Variants in CBX1 observed in about 807,000 individuals in gnomAD.
The protein encoded by CBX1 is chromobox 1.
In CBX1, 10 loss-of-function variants were observed where a neutral mutation model predicts 25.1. That is an observed-to-expected ratio of 0.40 (90% CI 0.25 to 0.68). CBX1 has a LOEUF of 0.68. Among genes scored for constraint, CBX1 ranks in the 30% least tolerant of loss-of-function variants. The probability of loss-of-function intolerance (pLI) is 0.40; values close to 1 mark genes in which losing one functional copy is unlikely to be tolerated. For synonymous variants in CBX1, 63 were observed against 79.4 expected (o/e 0.79, Z 1.10); for missense variants, 106 against 218.5 (o/e 0.49, Z 3.25).
Position 48,070,596 on chromosome 17 carries a change from A to G in CBX1, c.*839T>C, listed in dbSNP as rs1432937708. Reference sequence around the variant, plus strand: ...ATTTATAACTTCGTTACTGGAAAAGAAAGGGTCTTCTAATTTCGGGAATTA... The same window carrying G: ...ATTTATAACTTCGTTACTGGAAAAGGAAGGGTCTTCTAATTTCGGGAATTA... On this transcript the variant is annotated 3_prime_UTR_variant, in exon 5 of 5. Coordinates refer to ENST00000225603, the MANE Select transcript of CBX1 (RefSeq NM_001127228.2). The G allele has an allele frequency of 6.5e-6, 1 of 152,676 alleles. No homozygotes were observed. The highest frequency in any genetic ancestry group is 6.5e-5 in the Admixed American group (1 of 15,282). The allele number at this position is 152,676 out of a possible 1,614,324, so 9.5% of individuals were successfully genotyped here.
intron 1 of CBX1, among the ~76,000 whole-genome samples, chr17:48,097,808 A>G (rs1447008615): frequency 1.3e-5 from 2 of 152,312 alleles, no homozygotes; most frequent in African/African-American, 2.4e-5. Context: ...AATTTTGTCC[A>G]TATCTGAGTA....
intron 4 of CBX1, among the ~76,000 whole-genome samples, chr17:48,073,807 A>AC (rs2037648529): frequency 7.5e-6 from 1 of 132,860 alleles, no homozygotes; most frequent in African/African-American, 3.1e-5. Flanking sequence ...AGCCTGGGCG[A>AC]AAGAGTGAGA....
intron 1 of CBX1, among the ~76,000 whole-genome samples, chr17:48,097,907 C>T (rs1319757247): frequency 6.6e-6 from 1 of 152,120 alleles, no homozygotes; most frequent in Non-Finnish European, 1.5e-5. Flanking sequence ...ACAAAGGACA[C>T]AGAAGATTTT....
chr17:48,099,241 T>C (rs548800384), intron 1 of CBX1, among the ~76,000 whole-genome samples: 19 of 152,258 alleles, frequency 1.2e-4, no homozygotes, highest in Middle Eastern at 3.4e-3. Flanking sequence ...TAGCTGGGAC[T>C]ACAGGCATGC....
chr17:48,101,136 A>C, intron 1 of CBX1, 132 bp downstream of exon 1: 5 of 986,498 alleles, frequency 5.1e-6, no homozygotes, highest in Non-Finnish European at 6.0e-6. Flanking sequence ...GCGGAGAAGC[A>C]GGACGCTGGA....
chr17:48,078,862 T>C (rs1308696345), intron 1 of CBX1, among the ~76,000 whole-genome samples: 1 of 139,906 alleles, frequency 7.1e-6, no homozygotes, highest in African/African-American at 2.7e-5. Context: ...CAATCTCGGC[T>C]CACTGCAACC....
At chr17:48,093,286 T>TAAAAAAAAAAAAA (rs777087501) in intron 1 of CBX1, among the ~76,000 whole-genome samples, 1 of 76,206 alleles carries the variant, frequency 1.3e-5, no homozygotes, top group Admixed American at 1.3e-4. Flanking sequence ...AAAATAAAAT[T>TAAAAAAAAAAAAA]AAAAAAAAAA....
intron 1 of CBX1, among the ~76,000 whole-genome samples, chr17:48,091,535 CTTTTTTTTT>C (rs4053473): frequency 1.2e-4 from 9 of 72,188 alleles, no homozygotes; most frequent in Non-Finnish European, 1.8e-4. Context: ...CCACCATGCC[CTTTTTTTTT>C]TTTTTTTTTT....
At chr17:48,084,412 T>C (rs1222796455) in intron 1 of CBX1, among the ~76,000 whole-genome samples, 1 of 147,168 alleles carries the variant, frequency 6.8e-6, no homozygotes, top group East Asian at 2.0e-4. Flanking sequence ...CAGGTCGCCA[T>C]GTTGCTCAGC....
intron 1 of CBX1, among the ~76,000 whole-genome samples, chr17:48,093,468 C>G (rs750649100): frequency 1.3e-5 from 2 of 152,116 alleles, no homozygotes; most frequent in Non-Finnish European, 2.9e-5. Context: ...GCGAGGGCAT[C>G]AGTAAACATT....
intron 1 of CBX1, among the ~76,000 whole-genome samples, chr17:48,082,457 A>G (rs189491420): frequency 0.034 from 4,629 of 134,268 alleles, 298 homozygotes; most frequent in African/African-American, 0.12. Flanking sequence ...AGCCGAGATC[A>G]TGCCACTGCA....
At chr17:48,076,273 G>C (rs564183443) in intron 2 of CBX1, 95 bp from the exon 3 acceptor site, 4 of 985,040 alleles carry the variant, frequency 4.1e-6, no homozygotes, top group South Asian at 3.5e-5. Context: ...AGATGTCTAT[G>C]GAAAAGCTGA....
intron 1 of CBX1, among the ~76,000 whole-genome samples, chr17:48,096,929 T>C (rs900646314): frequency 6.6e-6 from 1 of 151,814 alleles, no homozygotes; most frequent in Admixed American, 6.6e-5. Flanking sequence ...CCTGCCTCTA[T>C]TTATGTGAGA....
chr17:48,085,574 AC>A (rs1271692835), intron 1 of CBX1, among the ~76,000 whole-genome samples: 8 of 149,612 alleles, frequency 5.3e-5, no homozygotes, highest in Non-Finnish European at 8.9e-5. Flanking sequence ...AAAAAAAAAA[AC>A]AATGATTTTT....
At chr17:48,086,986 A>G (rs1407509686) in intron 1 of CBX1, among the ~76,000 whole-genome samples, 1 of 151,596 alleles carries the variant, frequency 6.6e-6, no homozygotes, top group Non-Finnish European at 1.5e-5. Flanking sequence ...TCAGGAGATC[A>G]AGACCATCCT....
At chr17:48,100,291 C>T (rs1431961747) in intron 1 of CBX1, among the ~76,000 whole-genome samples, 1 of 152,144 alleles carries the variant, frequency 6.6e-6, no homozygotes, top group African/African-American at 2.4e-5. Context: ...GCACCTCACA[C>T]GATCTCACAA....
At chr17:48,083,993 T>G (rs2037762285) in intron 1 of CBX1, among the ~76,000 whole-genome samples, 1 of 150,242 alleles carries the variant, frequency 6.7e-6, no homozygotes, top group Admixed American at 6.6e-5. Context: ...ACTCATTTAT[T>G]TAAAAAATTT....
At chr17:48,100,722 T>C (rs2063404333) in intron 1 of CBX1, 1 of 985,360 alleles carries the variant, frequency 1.0e-6, no homozygotes, top group Non-Finnish European at 1.2e-6. Context: ...TTTCCCAATT[T>C]ATTCCACACA....
chr17:48,096,038 G>A lies in CBX1; in HGVS notation c.-38+5230C>T, dbSNP rs574365389. ...TGGGATTACAGGCATGCACCACCAC[G>A]CCCAGCTAATTGTGTATTTTTAGTA... On this transcript the variant is annotated intron_variant, in intron 1 of 4. Transcript: ENST00000225603. Among the ~76,000 whole-genome samples, 516 of 152,218 alleles carry A rather than the reference G, an allele frequency of 3.4e-3. 7 individuals are homozygous for A. The highest frequency in any genetic ancestry group is 0.012 in the African/African-American group (497 of 41,536).
Sources: gnomAD v4.1 joint callset for allele counts (sites outside exome capture counted in the v4.1 genomes callset) on GRCh38, gnomAD v4.1.1 for gene constraint, MANE v1.5 for transcripts, NCBI Gene and HGNC (gene_info 2026-07-23, HGNC 2026-07-21) for gene names.